Variants in ADAMTSL1 observed in about 807,000 individuals in gnomAD.
The protein encoded by ADAMTSL1 is ADAMTS-like protein 1.
ADAMTSL1 carries 126 observed loss-of-function variants against 201.8 expected under a neutral mutation model. The ratio of observed to expected loss-of-function variants is 0.62; its 90% CI spans 0.54 to 0.72. The LOEUF is 0.72. Ranked by LOEUF, ADAMTSL1 falls within the 30% of genes least tolerant of loss-of-function variation. The pLI is 0.00. For missense variants in ADAMTSL1, 2,679 were observed against 2,277.8 expected, an observed-to-expected ratio of 1.18 and a Z score of -3.59; for synonymous variants, 1,121 against 903.4, an observed-to-expected ratio of 1.24 and a Z score of -4.32.
At chr9:18,838,785 G>A (rs965582139) in intron 23 of ADAMTSL1, among the ~76,000 whole-genome samples, 1 of 151,760 alleles carries the variant, frequency 6.6e-6, no homozygotes, top group Non-Finnish European at 1.5e-5. Context: ...CATGAGCCCT[G>A]GAGGGAGGCT....
At chr9:18,870,073 T>C (rs1827791103) in intron 23 of ADAMTSL1, among the ~76,000 whole-genome samples, 1 of 152,212 alleles carries the variant, frequency 6.6e-6, no homozygotes, top group African/African-American at 2.4e-5. Context: ...TGTTAAGCTC[T>C]AGAAGTTTTT....
intron 20 of ADAMTSL1, among the ~76,000 whole-genome samples, chr9:18,815,068 C>T (rs780670379): frequency 5.3e-5 from 8 of 151,946 alleles, no homozygotes; most frequent in African/African-American, 7.3e-5. Context: ...CAAATACTGG[C>T]GCAGATGTGG....
At chr9:18,176,774 A>C (rs1228379434) in intron 2 of ADAMTSL1, among the ~76,000 whole-genome samples, 4 of 152,198 alleles carry the variant, frequency 2.6e-5, no homozygotes, top group Non-Finnish European at 2.9e-5. Flanking sequence ...TTAACATTTT[A>C]ATTCTAACTG....
At chr9:18,030,641 C>T (rs1203763827) in intron 1 of ADAMTSL1, among the ~76,000 whole-genome samples, 1 of 152,066 alleles carries the variant, frequency 6.6e-6, no homozygotes, top group Non-Finnish European at 1.5e-5. Flanking sequence ...TCTTTTTGTA[C>T]AGTATGTCAC....
At chr9:18,070,011 G>A (rs1822886994) in intron 1 of ADAMTSL1, among the ~76,000 whole-genome samples, 2 of 152,200 alleles carry the variant, frequency 1.3e-5, no homozygotes, top group Non-Finnish European at 2.9e-5. Context: ...TAGACATATT[G>A]AGTGGAAATG....
intron 2 of ADAMTSL1, among the ~76,000 whole-genome samples, chr9:18,168,970 G>T (rs1563781003): frequency 6.6e-6 from 1 of 150,982 alleles, no homozygotes. Context: ...TTTTGATGGG[G>T]TTGTTTGTTT....
intron 7 of ADAMTSL1, among the ~76,000 whole-genome samples, chr9:18,656,145 C>T (rs1325534495): frequency 1.3e-5 from 2 of 152,046 alleles, no homozygotes; most frequent in African/African-American, 2.4e-5. Flanking sequence ...CCCATCTAAA[C>T]TCCAAAAACT....
chr9:18,723,084 C>T, intron 15 of ADAMTSL1: 1 of 777,730 alleles, frequency 1.3e-6, no homozygotes, highest in Non-Finnish European at 2.4e-6. Context: ...GGCCTGGCTT[C>T]TCATCCTGCT....
intron 2 of ADAMTSL1, among the ~76,000 whole-genome samples, chr9:18,362,558 G>T (rs562325979): frequency 6.6e-5 from 10 of 152,232 alleles, no homozygotes; most frequent in Non-Finnish European, 1.2e-4. Flanking sequence ...CATTTTGCTG[G>T]CAGTTCACTC....
rs570184974 is a variant in ADAMTSL1, at chr9:17,962,149, C to T, written c.87+55227C>T. Among the ~76,000 whole-genome samples, 14 of 152,230 alleles carry T rather than the reference C, an allele frequency of 9.2e-5. No homozygotes were observed. The South Asian group carries it at 1.0e-3, about 11-fold the overall frequency. ...ATTCCAGTTCCACTTTATGAGACTA[C>T]GTCTTGACCTTCCCTCGGCTGACCA... On this transcript the variant is annotated intron_variant, in intron 1 of 29. Coordinates refer to the ADAMTSL1 transcript ENST00000680146.
At chr9:18,377,924 C>A (rs1247420679) in intron 2 of ADAMTSL1, among the ~76,000 whole-genome samples, 1 of 151,926 alleles carries the variant, frequency 6.6e-6, no homozygotes, top group Non-Finnish European at 1.5e-5. Flanking sequence ...AGACTCCCTC[C>A]CCCTCAATTC....
chr9:17,946,435 A>T (rs981228785), intron 1 of ADAMTSL1, among the ~76,000 whole-genome samples: 2 of 152,116 alleles, frequency 1.3e-5, no homozygotes, highest in Non-Finnish European at 2.9e-5. Flanking sequence ...TTCACCCCCC[A>T]GTGAACTTAC....
intron 1 of ADAMTSL1, among the ~76,000 whole-genome samples, chr9:17,939,723 C>G (rs1018166847): frequency 6.6e-6 from 1 of 152,034 alleles, no homozygotes; most frequent in Admixed American, 6.6e-5. Context: ...CATTGTACTC[C>G]CATACTATAT....
intron 2 of ADAMTSL1, among the ~76,000 whole-genome samples, chr9:18,401,398 C>A (rs1218325949): frequency 6.6e-6 from 1 of 152,146 alleles, no homozygotes; most frequent in African/African-American, 2.4e-5. Context: ...CTTGCTGCAG[C>A]CTTTCAGCTT....
intron 4 of ADAMTSL1, among the ~76,000 whole-genome samples, chr9:18,592,543 C>A (rs897445136): frequency 2.6e-5 from 4 of 152,068 alleles, no homozygotes; most frequent in Admixed American, 2.0e-4. Context: ...CTTTCGATGG[C>A]CGACCATTAT....
At position 18,880,665 on chromosome 9, in the gene ADAMTSL1, C is replaced by T. The variant is rs190080989; in HGVS notation, c.4250-7166C>T. Among the ~76,000 whole-genome samples, 214 of 152,284 alleles carry T rather than the reference C, an allele frequency of 1.4e-3. 2 individuals are homozygous for T. The highest frequency in any genetic ancestry group is 0.012 in the Admixed American group (182 of 15,288). ...TAGAGCACAGGCAGATTAGATGTAA[C>T]GTAATTCTTAAGGGACCCAGGATTG... On this transcript the variant is annotated intron_variant, in intron 23 of 28. Coordinates refer to ENST00000380548, the MANE Select transcript of ADAMTSL1 (RefSeq NM_001040272.6).
At chr9:18,701,572 C>T (rs374479796) in intron 13 of ADAMTSL1, among the ~76,000 whole-genome samples, 1 of 152,160 alleles carries the variant, frequency 6.6e-6, no homozygotes, top group Non-Finnish European at 1.5e-5. Flanking sequence ...TCTCTTTTCT[C>T]ACCCTACTGT....
At chr9:18,305,658 T>A (rs891820656) in intron 2 of ADAMTSL1, among the ~76,000 whole-genome samples, 1 of 152,204 alleles carries the variant, frequency 6.6e-6, no homozygotes, top group East Asian at 1.9e-4. Context: ...CCTGTCTAGA[T>A]TCCTCCTCTC....
rs73417105 is a variant in ADAMTSL1, at chr9:18,728,148, G to T, written c.2006+6483G>T. Reference sequence around the variant, plus strand: ...AATAAATAAGACAACTGCCTTGCATGCATGTATTTAGTTGCTGCATGAGTT... The same window carrying T: ...AATAAATAAGACAACTGCCTTGCATTCATGTATTTAGTTGCTGCATGAGTT... On this transcript the variant is annotated intron_variant, in intron 15 of 28. Coordinates refer to ENST00000380548, the MANE Select transcript of ADAMTSL1 (RefSeq NM_001040272.6). Among the ~76,000 whole-genome samples, 1,118 of 152,132 alleles carry T rather than the reference G, an allele frequency of 7.3e-3. 12 individuals carry two copies. Among genetic ancestry groups the T allele is most frequent in the African/African-American group, 0.026 (1,068 of 41,492 alleles).
Sources: allele counts gnomAD v4.1 joint callset (sites outside exome capture counted in the v4.1 genomes callset), GRCh38; gene constraint gnomAD v4.1.1; transcripts MANE v1.5; gene names NCBI Gene and HGNC (gene_info 2026-07-23, HGNC 2026-07-21).